MYO16: variants seen among roughly 807,000 people sequenced by gnomAD.
MYO16 encodes the protein myosin XVI.
A neutral mutation model predicts 205.3 loss-of-function variants in MYO16; 94 were observed. The ratio of observed to expected loss-of-function variants is 0.46; its 90% CI spans 0.39 to 0.54. The LOEUF (loss-of-function observed/expected upper bound fraction) is 0.54, where lower values mean the gene tolerates loss of function less well. MYO16 is among the 20% of genes least tolerant of loss of function. The pLI, the probability that MYO16 is intolerant of heterozygous loss-of-function variation, is 0.00. For synonymous variants in MYO16, 988 were observed against 954.0 expected (o/e 1.04, Z -0.66); for missense variants, 2,315 against 2,387.5 (o/e 0.97, Z 0.63).
intron 22 of MYO16, among the ~76,000 whole-genome samples, chr13:109,011,305 C>T (rs1885588253): frequency 6.6e-6 from 1 of 151,960 alleles, no homozygotes; most frequent in African/African-American, 2.4e-5. Context: ...AGGTGGCTGT[C>T]ATTATTGCTG....
chr13:108,854,631 ATATTCT>A (rs1291042801), intron 10 of MYO16, among the ~76,000 whole-genome samples: 1 of 152,146 alleles, frequency 6.6e-6, no homozygotes, highest in Non-Finnish European at 1.5e-5. Flanking sequence ...ATTGATAAGA[ATATTCT>A]TATTCTTTTG....
At chr13:108,571,309 A>G in the MYO16 span, among the ~76,000 whole-genome samples, 33 of 152,178 alleles carry the variant, frequency 2.2e-4, no homozygotes, top group African/African-American at 7.7e-4. Context: ...ATGAAAAAAA[A>G]AAAAAAGACA....
At chr13:108,980,336 C>A (rs1353375016) in intron 20 of MYO16, among the ~76,000 whole-genome samples, 1 of 152,140 alleles carries the variant, frequency 6.6e-6, no homozygotes, top group Non-Finnish European at 1.5e-5. Context: ...GTTAGCTATT[C>A]CTGCTCTTGT....
At chr13:108,933,572 T>A (rs1882352756) in intron 16 of MYO16, among the ~76,000 whole-genome samples, 4 of 151,994 alleles carry the variant, frequency 2.6e-5, no homozygotes, top group African/African-American at 4.8e-5. Context: ...AGGAAATAGA[T>A]CTTACTAAAT....
At chr13:109,102,457 G>A (rs1204159753) in intron 28 of MYO16, among the ~76,000 whole-genome samples, 1 of 149,298 alleles carries the variant, frequency 6.7e-6, no homozygotes, top group African/African-American at 2.5e-5. Context: ...TACAGATAAT[G>A]ATATACATAT....
chr13:108,886,024 G>A (rs948448353), intron 13 of MYO16, among the ~76,000 whole-genome samples: 1 of 151,474 alleles, frequency 6.6e-6, no homozygotes, highest in African/African-American at 2.4e-5. Flanking sequence ...GTCTCGCTCT[G>A]TCGCCCAGGC....
At chr13:108,949,866 T>C (rs754708130) in intron 16 of MYO16, among the ~76,000 whole-genome samples, 12 of 151,672 alleles carry the variant, frequency 7.9e-5, no homozygotes, top group Non-Finnish European at 1.2e-4. Context: ...AGAAATAGAC[T>C]CACACAAATA....
the MYO16 span, among the ~76,000 whole-genome samples, chr13:108,520,132 C>G: frequency 1.3e-5 from 2 of 152,214 alleles, no homozygotes; most frequent in Admixed American, 1.3e-4. Flanking sequence ...TCTCTCCTCT[C>G]CTTTTTCTCT....
At chr13:108,883,033 C>T in intron 12 of MYO16, 26 bp from the exon 13 acceptor site, 1 of 1,611,878 alleles carries the variant, frequency 6.2e-7, no homozygotes, top group Non-Finnish European at 8.5e-7. Flanking sequence ...CTGAGGTTTT[C>T]CCCTTGCTGC....
chr13:108,735,883 C>G (rs1326420764), intron 4 of MYO16, among the ~76,000 whole-genome samples: 2 of 152,118 alleles, frequency 1.3e-5, no homozygotes, highest in South Asian at 4.1e-4. Context: ...TTGCATTTCT[C>G]TGATGGCCAG....
At chr13:109,032,921 G>A (rs1363883088) in intron 23 of MYO16, among the ~76,000 whole-genome samples, 2 of 152,122 alleles carry the variant, frequency 1.3e-5, no homozygotes, top group African/African-American at 2.4e-5. Context: ...GCCTGTGCAA[G>A]CTTCAGAAAA....
chr13:108,733,923 C>G (rs1247994177), intron 4 of MYO16, among the ~76,000 whole-genome samples: 1 of 152,082 alleles, frequency 6.6e-6, no homozygotes, highest in Non-Finnish European at 1.5e-5. Context: ...GAGCCGAGAT[C>G]GCGCCATTGC....
At chr13:108,972,362 A>ATATAGCCATC (rs1884077000) in intron 20 of MYO16, among the ~76,000 whole-genome samples, 1 of 31,886 alleles carries the variant, frequency 3.1e-5, no homozygotes, top group African/African-American at 2.1e-4. Flanking sequence ...ATATATATAT[A>ATATAGCCATC]TATATATATA....
chr13:109,048,199 G>A (rs201309994), intron 24 of MYO16: 18,612 of 379,624 alleles, frequency 0.049, 519 homozygotes, highest in Non-Finnish European at 0.061. Flanking sequence ...GTGTGTGTGT[G>A]TGTATTTAGA....
intron 27 of MYO16, among the ~76,000 whole-genome samples, chr13:109,079,317 T>TTGC (rs1298979580): frequency 6.6e-6 from 1 of 152,128 alleles, no homozygotes; most frequent in Non-Finnish European, 1.5e-5. Flanking sequence ...TCGGAGACTA[T>TTGC]TGCTCCATCA....
intron 16 of MYO16, among the ~76,000 whole-genome samples, chr13:108,921,546 AT>A (rs1352770384): frequency 6.6e-6 from 1 of 152,234 alleles, no homozygotes; most frequent in Non-Finnish European, 1.5e-5. Flanking sequence ...TCCTATTGAT[AT>A]AGGACATTGC....
At chr13:108,803,608 T>C (rs1473469945) in intron 6 of MYO16, among the ~76,000 whole-genome samples, 2 of 152,204 alleles carry the variant, frequency 1.3e-5, no homozygotes, top group African/African-American at 4.8e-5. Context: ...CAGGCCTACA[T>C]CACACTGGAT....
At chr13:108,502,686 A>G in the MYO16 span, among the ~76,000 whole-genome samples, 6 of 152,330 alleles carry the variant, frequency 3.9e-5, no homozygotes, top group Non-Finnish European at 8.8e-5. Context: ...AATTTCTTTA[A>G]GAATGATAAA....
intron 4 of MYO16, among the ~76,000 whole-genome samples, chr13:108,771,847 T>C (rs1206221244): frequency 6.6e-6 from 1 of 152,208 alleles, no homozygotes; most frequent in African/African-American, 2.4e-5. Flanking sequence ...TGTATAACTG[T>C]GACTACTATT....
Sources: gnomAD v4.1 joint callset for allele counts (sites outside exome capture counted in the v4.1 genomes callset) on GRCh38, gnomAD v4.1.1 for gene constraint, MANE v1.5 for transcripts, NCBI Gene and HGNC (gene_info 2026-07-23, HGNC 2026-07-21) for gene names.